The following BLTP3B variants were observed in gnomAD, a reference collection of about 807,000 sequenced individuals.
The protein encoded by BLTP3B is UHRF1 (ICBP90) binding protein 1-like.
chr12:100,062,397 A>G, the BLTP3B span, among the ~76,000 whole-genome samples: 1 of 152,218 alleles, frequency 6.6e-6, no homozygotes, highest in Admixed American at 6.5e-5. Flanking sequence ...GTTTTGTTCA[A>G]AACAGAGATA....
the BLTP3B span, chr12:100,089,138 C>G: frequency 1.4e-6 from 2 of 1,391,018 alleles, no homozygotes; most frequent in Non-Finnish European, 1.9e-6. Context: ...AATTTAAATA[C>G]TGGAAATTTC....
At chr12:100,043,305 G>A in the BLTP3B span, among the ~76,000 whole-genome samples, 2 of 152,148 alleles carry the variant, frequency 1.3e-5, no homozygotes, top group Non-Finnish European at 2.9e-5. Context: ...CCTTCATGTG[G>A]CTATCTAGTC....
chr12:100,085,183 G>C, the BLTP3B span, among the ~76,000 whole-genome samples: 3 of 152,084 alleles, frequency 2.0e-5, no homozygotes, highest in Admixed American at 1.3e-4. Flanking sequence ...AGGCTTCTCT[G>C]TAGCAACTAA....
chr12:100,064,896 T>TAA, the BLTP3B span, among the ~76,000 whole-genome samples: 45 of 139,310 alleles, frequency 3.2e-4, no homozygotes, highest in African/African-American at 1.2e-3. Flanking sequence ...AATTAACAAT[T>TAA]AAAAAAAAAA....
At chr12:100,124,493 C>T in the BLTP3B span, among the ~76,000 whole-genome samples, 20 of 151,978 alleles carry the variant, frequency 1.3e-4, no homozygotes, top group African/African-American at 4.8e-4. Flanking sequence ...GCCTGTGATC[C>T]CAGCACTCTG....
chr12:100,076,170 C>T, the BLTP3B span, among the ~76,000 whole-genome samples: 3 of 151,578 alleles, frequency 2.0e-5, no homozygotes, highest in African/African-American at 7.3e-5. Context: ...TTTTCACCCC[C>T]CAAAACCAGC....
At chr12:100,114,720 T>C in the BLTP3B span, among the ~76,000 whole-genome samples, 1 of 152,232 alleles carries the variant, frequency 6.6e-6, no homozygotes, top group Non-Finnish European at 1.5e-5. Flanking sequence ...GCCAAGTACT[T>C]TGGCTTGGAT....
chr12:100,105,244 G>C, the BLTP3B span, among the ~76,000 whole-genome samples: 1 of 151,896 alleles, frequency 6.6e-6, no homozygotes, highest in Non-Finnish European at 1.5e-5. Flanking sequence ...AATTATGCAA[G>C]TCTATAGTAA....
the BLTP3B span, chr12:100,039,831 C>T: frequency 2.8e-5 from 43 of 1,520,708 alleles, no homozygotes; most frequent in Non-Finnish European, 3.5e-5. Flanking sequence ...TTTCCAAATA[C>T]TTGATAAATC....
the BLTP3B span, among the ~76,000 whole-genome samples, chr12:100,126,226 G>A: frequency 2.0e-5 from 3 of 152,130 alleles, no homozygotes; most frequent in African/African-American, 4.8e-5. Flanking sequence ...TTTCAGAGGC[G>A]GCAGCAGCAG....
chr12:100,075,315 T>A, the BLTP3B span, among the ~76,000 whole-genome samples: 1 of 151,338 alleles, frequency 6.6e-6, no homozygotes, highest in African/African-American at 2.5e-5. Context: ...CGGCTACACC[T>A]TCTACTATAT....
At chr12:100,065,866 T>C in the BLTP3B span, among the ~76,000 whole-genome samples, 1 of 152,200 alleles carries the variant, frequency 6.6e-6, no homozygotes. Context: ...CATGTCATCT[T>C]TGTGACCTAC....
the BLTP3B span, among the ~76,000 whole-genome samples, chr12:100,061,656 CA>C: frequency 0.04 from 2,705 of 67,278 alleles, 30 homozygotes; most frequent in African/African-American, 0.13. Context: ...GACTCCGTCT[CA>C]AAAAAAAAAA....
the BLTP3B span, among the ~76,000 whole-genome samples, chr12:100,048,735 G>GGAGAGAGA: frequency 2.9e-4 from 35 of 119,586 alleles, no homozygotes; most frequent in African/African-American, 1.0e-3. Context: ...GTAAGGGGGG[G>GGAGAGAGA]GAGAGAGAGA....
chr12:100,138,409 T>C, the BLTP3B span, among the ~76,000 whole-genome samples: 2 of 152,374 alleles, frequency 1.3e-5, 1 homozygote, highest in South Asian at 4.1e-4. Context: ...CACTTTAAGC[T>C]GGTTTCTCAA....
chr12:100,072,629 CT>C, the BLTP3B span: 1 of 1,408,538 alleles, frequency 7.1e-7, no homozygotes, highest in African/African-American at 1.5e-5. Flanking sequence ...GAAAAAAATA[CT>C]TTCTCAAATA....
At chr12:100,072,294 C>T in the BLTP3B span, among the ~76,000 whole-genome samples, 4 of 150,948 alleles carry the variant, frequency 2.6e-5, no homozygotes, top group Admixed American at 2.6e-4. Context: ...AACGAAAAAA[C>T]CTCATGATTC....
At chr12:100,083,037 A>C in the BLTP3B span, 1 of 1,613,520 alleles carries the variant, frequency 6.2e-7, no homozygotes, top group Non-Finnish European at 8.5e-7. Context: ...TGAAATCTGC[A>C]AGTCTAACCA....
At chr12:100,140,028 T>C in the BLTP3B span, among the ~76,000 whole-genome samples, 4 of 152,224 alleles carry the variant, frequency 2.6e-5, no homozygotes, top group Non-Finnish European at 2.9e-5. Context: ...TATATTCTAC[T>C]GTATCCCAGA....
Sources: allele counts gnomAD v4.1 joint callset (sites outside exome capture counted in the v4.1 genomes callset), GRCh38; gene constraint gnomAD v4.1.1; transcripts MANE v1.5; gene names NCBI Gene and HGNC (gene_info 2026-07-23, HGNC 2026-07-21).